Variants in FAF1 observed in about 807,000 individuals in gnomAD.
FAF1 encodes FAS-associated factor 1.
In FAF1, 25 loss-of-function variants were observed where a neutral mutation model predicts 92.5. The observed-to-expected ratio is 0.27, with a 90% CI of 0.20 to 0.38. The LOEUF is 0.38. Among genes scored for constraint, FAF1 ranks in the 10% least tolerant of loss-of-function variants. FAF1 has a pLI of 1.00. For missense variants in FAF1, 636 were observed against 793.3 expected (o/e 0.80, Z 2.38); for synonymous variants, 234 against 273.2 (o/e 0.86, Z 1.42).
chr1:50,658,563 T>G (rs1295996071), intron 7 of FAF1, among the ~76,000 whole-genome samples: 1 of 152,216 alleles, frequency 6.6e-6, no homozygotes, highest in Non-Finnish European at 1.5e-5. Context: ...GGCTATAGTG[T>G]TATGTTGGTA....
chr1:50,923,453 A>G (rs1236890549), intron 1 of FAF1, among the ~76,000 whole-genome samples: 2 of 152,130 alleles, frequency 1.3e-5, no homozygotes, highest in Non-Finnish European at 2.9e-5. Context: ...AACTTCCAAA[A>G]AAGAGAAGCC....
In FAF1 at chr1:50,516,552, T is replaced by C. The variant is rs190945673; in HGVS notation, c.1494+18817A>G. The stretch of plus-strand genomic sequence containing the variant: ...AAACTATATTCAGTGGTTAAAGAGA[T>C]AGCACATGAATGGGTAGAGTCCCTC... On this transcript the variant is annotated intron_variant, in intron 15 of 18. Transcript: ENST00000396153. Among the ~76,000 whole-genome samples the C allele has an allele frequency of 4.1e-4, 63 of 152,274 alleles. No homozygotes were observed. In the Middle Eastern group the frequency reaches 0.01, roughly 25 times the overall value.
intron 1 of FAF1, among the ~76,000 whole-genome samples, chr1:50,898,553 A>G (rs962661569): frequency 3.9e-5 from 6 of 152,136 alleles, no homozygotes; most frequent in Admixed American, 1.3e-4. Context: ...ATATAGACAC[A>G]TTTACTTCTA....
chr1:50,916,439 G>T (rs1304390392), intron 1 of FAF1, among the ~76,000 whole-genome samples: 1 of 152,078 alleles, frequency 6.6e-6, no homozygotes, highest in Non-Finnish European at 1.5e-5. Context: ...CAAACACCTC[G>T]ATTTCATAAT....
In FAF1 at chr1:50,606,075, C is replaced by T. The variant is rs76149275; in HGVS notation, c.745-9859G>A. Among the ~76,000 whole-genome samples, 99 of 152,216 alleles carry T rather than the reference C, an allele frequency of 6.5e-4. No individual in the cohort carries two copies. In the East Asian group the frequency reaches 0.014, roughly 21 times the overall value. On this transcript the variant is annotated intron_variant, in intron 8 of 18. Coordinates refer to ENST00000396153, the MANE Select transcript of FAF1 (RefSeq NM_007051.3). ...GTGAAAAAATATGTAGCATAGTGGACTAGATTTTCAACTTTAAAAAAATAA... is the reference window on the plus strand; with the variant it reads ...GTGAAAAAATATGTAGCATAGTGGATTAGATTTTCAACTTTAAAAAAATAA...
chr1:50,560,291 A>T (rs1223478875), intron 13 of FAF1, among the ~76,000 whole-genome samples: 1 of 152,242 alleles, frequency 6.6e-6, no homozygotes. Flanking sequence ...CTTGCCAAAG[A>T]TTAAGTAATG....
intron 1 of FAF1, among the ~76,000 whole-genome samples, chr1:50,902,270 A>G (rs1644802350): frequency 6.6e-6 from 1 of 152,212 alleles, no homozygotes; most frequent in Non-Finnish European, 1.5e-5. Flanking sequence ...TATGGTAGCC[A>G]CTAACCACAT....
intron 8 of FAF1, chr1:50,612,281 T>A (rs1652718166): frequency 1.1e-6 from 1 of 944,728 alleles, no homozygotes; most frequent in Non-Finnish European, 1.4e-6. Flanking sequence ...TCACAACAAA[T>A]TCAGAGAATC....
At chr1:50,894,909 A>C (rs539649149) in intron 1 of FAF1, among the ~76,000 whole-genome samples, 16 of 152,312 alleles carry the variant, frequency 1.1e-4, no homozygotes, top group Admixed American at 7.2e-4. Flanking sequence ...AGGGAAGTTT[A>C]TAGGTGTAAG....
intron 8 of FAF1, among the ~76,000 whole-genome samples, chr1:50,651,176 G>A (rs1161535323): frequency 6.6e-6 from 1 of 152,180 alleles, no homozygotes; most frequent in African/African-American, 2.4e-5. Flanking sequence ...AAAGGTTAAT[G>A]AGAAGTATAC....
At chr1:50,528,582 T>C (rs1206112629) in intron 15 of FAF1, among the ~76,000 whole-genome samples, 1 of 152,228 alleles carries the variant, frequency 6.6e-6, no homozygotes. Context: ...CACACTCAGA[T>C]TCAGCTGCCT....
At chr1:50,718,882 T>C (rs1197821105) in intron 6 of FAF1, among the ~76,000 whole-genome samples, 5 of 152,246 alleles carry the variant, frequency 3.3e-5, no homozygotes, top group African/African-American at 1.2e-4. Flanking sequence ...CATGGCAATT[T>C]AAATTTCCAT....
intron 8 of FAF1, among the ~76,000 whole-genome samples, chr1:50,648,986 G>A (rs1467236601): frequency 2.0e-5 from 3 of 152,062 alleles, no homozygotes; most frequent in Admixed American, 6.6e-5. Flanking sequence ...GTTTCAATAC[G>A]TTGGCCAGGC....
At chr1:50,695,165 T>C (rs1657135403) in intron 7 of FAF1, among the ~76,000 whole-genome samples, 1 of 151,988 alleles carries the variant, frequency 6.6e-6, no homozygotes, top group Non-Finnish European at 1.5e-5. Context: ...CCCAGCACTT[T>C]GGGAGGTTGA....
intron 1 of FAF1, among the ~76,000 whole-genome samples, chr1:50,875,593 C>T (rs905846411): frequency 1.3e-5 from 2 of 152,126 alleles, no homozygotes; most frequent in African/African-American, 2.4e-5. Context: ...GCTGAGATTA[C>T]AGGCACTTGC....
intron 14 of FAF1, among the ~76,000 whole-genome samples, chr1:50,536,500 C>G (rs1023152528): frequency 1.3e-5 from 2 of 152,166 alleles, no homozygotes; most frequent in African/African-American, 4.8e-5. Flanking sequence ...GAGGGCTTGA[C>G]TAACATGATC....
chr1:50,917,689 GA>G (rs1245743757), intron 1 of FAF1, among the ~76,000 whole-genome samples: 21 of 132,118 alleles, frequency 1.6e-4, no homozygotes, highest in African/African-American at 4.1e-4. Context: ...GAAAGGAAAG[GA>G]AAGGAAAGGA....
chr1:50,744,811 AAAT>A (rs1659522377), intron 4 of FAF1, 36 bp from the exon 5 acceptor site: 6 of 1,242,542 alleles, frequency 4.8e-6, no homozygotes, highest in Non-Finnish European at 7.0e-6. Context: ...ATTACTAACA[AAAT>A]AACACAGTTA....
At chr1:50,642,552 G>C (rs894442791) in intron 8 of FAF1, among the ~76,000 whole-genome samples, 2 of 151,722 alleles carry the variant, frequency 1.3e-5, no homozygotes, top group African/African-American at 4.8e-5. Context: ...AGGAGGCTGA[G>C]GCAGAAGAGT....
Sources: gnomAD v4.1 joint callset for allele counts (sites outside exome capture counted in the v4.1 genomes callset) on GRCh38, gnomAD v4.1.1 for gene constraint, MANE v1.5 for transcripts, NCBI Gene and HGNC (gene_info 2026-07-23, HGNC 2026-07-21) for gene names.